Variants in SEMA6A observed in about 807,000 individuals in gnomAD.
The protein encoded by SEMA6A is semaphorin-6A.
In SEMA6A, 25 loss-of-function variants were observed where a neutral mutation model predicts 96.8. The ratio of observed to expected loss-of-function variants is 0.26; its 90% CI spans 0.19 to 0.36. SEMA6A has a LOEUF of 0.36. Among genes scored for constraint, SEMA6A ranks in the 10% least tolerant of loss-of-function variants. SEMA6A has a pLI of 1.00. For synonymous variants in SEMA6A, 612 were observed against 518.0 expected, an observed-to-expected ratio of 1.18 and a Z score of -2.46; for missense variants, 1,363 against 1,323.1, an observed-to-expected ratio of 1.03 and a Z score of -0.47.
At chr5:116,487,219 C>T (rs996576854) in intron 9 of SEMA6A, 1 of 421,124 alleles carries the variant, frequency 2.4e-6, no homozygotes, top group African/African-American at 2.0e-5. Flanking sequence ...AGCTCCGAGC[C>T]ACATAAAGTC....
chr5:116,484,066 GAAAAA>G (rs542325007), intron 10 of SEMA6A, among the ~76,000 whole-genome samples: 4 of 99,912 alleles, frequency 4.0e-5, no homozygotes, highest in South Asian at 6.6e-4. Context: ...TCTGTCTGAA[GAAAAA>G]AAAAAAAAAA....
chr5:116,564,851 T>C (rs555816882), intron 1 of SEMA6A, among the ~76,000 whole-genome samples: 2 of 152,370 alleles, frequency 1.3e-5, no homozygotes, highest in South Asian at 4.1e-4. Flanking sequence ...CTCTAGCTCC[T>C]TAGCAATGAG....
intron 1 of SEMA6A, among the ~76,000 whole-genome samples, chr5:116,517,024 C>T (rs1299165480): frequency 1.3e-5 from 2 of 151,990 alleles, no homozygotes; most frequent in Admixed American, 1.3e-4. Context: ...TGGATGAGGC[C>T]AAGTTCATTT....
At chr5:116,517,328 G>T (rs917895595) in intron 1 of SEMA6A, among the ~76,000 whole-genome samples, 1 of 151,508 alleles carries the variant, frequency 6.6e-6, no homozygotes, top group Admixed American at 6.6e-5. Flanking sequence ...ACATGCCTTC[G>T]TTCCTAAAGA....
chr5:116,540,343 T>G (rs967538992), intron 1 of SEMA6A, among the ~76,000 whole-genome samples: 2 of 152,232 alleles, frequency 1.3e-5, no homozygotes, highest in Non-Finnish European at 2.9e-5. Flanking sequence ...TACAAACTTA[T>G]GCTTGCACAG....
intron 1 of SEMA6A, among the ~76,000 whole-genome samples, chr5:116,507,223 C>T (rs1255316517): frequency 5.3e-5 from 8 of 152,164 alleles, no homozygotes; most frequent in Non-Finnish European, 2.9e-5. Context: ...GTACATCATA[C>T]GGGTGAAAGT....
At chr5:116,502,438 C>G in intron 2 of SEMA6A, 111 bp from the exon 3 acceptor site, 3 of 784,918 alleles carry the variant, frequency 3.8e-6, no homozygotes, top group Non-Finnish European at 6.5e-6. Context: ...TTAAGTCAGA[C>G]CATGCCACCA....
chr5:116,474,214 T>C (rs147793400), intron 16 of SEMA6A, among the ~76,000 whole-genome samples: 1 of 152,082 alleles, frequency 6.6e-6, no homozygotes, highest in African/African-American at 2.4e-5. Context: ...GCAAGTAATA[T>C]AAATATGATG....
chr5:116,495,533 T>C lies in SEMA6A; in HGVS notation c.343-19A>G. 6.6e-7 allele frequency: 1 copy of C among 1,521,918 alleles called. No homozygotes were observed. Among genetic ancestry groups the C allele is most frequent in the South Asian group, 1.2e-5 (1 of 84,452 alleles). 94.3% of individuals were successfully genotyped at this position (1,521,918 alleles called of 1,614,324 possible). ...ACTCATCCTGAAAAATAATTCAAAC[T>C]GTTTTGTATCATGTCCATTCAGTAC... On this transcript the variant is annotated intron_variant, in intron 5 of 18. Coordinates refer to ENST00000343348, the MANE Select transcript of SEMA6A (RefSeq NM_020796.5).
chr5:116,511,927 G>A (rs565791962), intron 1 of SEMA6A, among the ~76,000 whole-genome samples: 1 of 152,214 alleles, frequency 6.6e-6, no homozygotes, highest in Admixed American at 6.5e-5. Context: ...ATAAACAGAT[G>A]TGGACATATC....
chr5:116,519,557 G>A (rs930667221), intron 1 of SEMA6A, among the ~76,000 whole-genome samples: 8 of 152,062 alleles, frequency 5.3e-5, no homozygotes, highest in Admixed American at 5.2e-4. Context: ...GGCACTGTGC[G>A]GGAACAGTGC....
At chr5:116,467,026 TTAAA>T (rs1755799927) in intron 18 of SEMA6A, among the ~76,000 whole-genome samples, 2 of 152,174 alleles carry the variant, frequency 1.3e-5, no homozygotes, top group Non-Finnish European at 2.9e-5. Flanking sequence ...TTCTGCTTGA[TTAAA>T]TAACATATTT....
At chr5:116,568,451 A>G (rs1461440665) in intron 1 of SEMA6A, among the ~76,000 whole-genome samples, 1 of 152,214 alleles carries the variant, frequency 6.6e-6, no homozygotes, top group Non-Finnish European at 1.5e-5. Context: ...ATGGGTTAAT[A>G]AAGTATGCTG....
At chr5:116,511,475 C>T (rs1055622809) in intron 1 of SEMA6A, among the ~76,000 whole-genome samples, 1 of 152,112 alleles carries the variant, frequency 6.6e-6, no homozygotes, top group Non-Finnish European at 1.5e-5. Context: ...AAGTTTATGT[C>T]CTTCCCAAGG....
At chr5:116,561,823 G>A (rs889838709) in intron 1 of SEMA6A, among the ~76,000 whole-genome samples, 3 of 152,078 alleles carry the variant, frequency 2.0e-5, no homozygotes, top group Admixed American at 6.5e-5. Context: ...CATCACCCTC[G>A]GAGATATCCC....
chr5:116,479,173 T>A (rs1267520885), intron 12 of SEMA6A, among the ~76,000 whole-genome samples: 1 of 152,176 alleles, frequency 6.6e-6, no homozygotes, highest in East Asian at 1.9e-4. Context: ...ACAAAATGTT[T>A]GATTGGAAAG....
intron 16 of SEMA6A, among the ~76,000 whole-genome samples, chr5:116,474,430 T>G (rs1472972472): frequency 6.6e-6 from 1 of 152,196 alleles, no homozygotes; most frequent in Non-Finnish European, 1.5e-5. Flanking sequence ...CATACATCTT[T>G]TAGTGATGAC....
chr5:116,497,270 G>A, intron 4 of SEMA6A, 57 bp downstream of exon 4: 3 of 1,058,990 alleles, frequency 2.8e-6, no homozygotes, highest in Non-Finnish European at 2.9e-6. Context: ...TACATATTCT[G>A]TTCAAGAACT....
chr5:116,524,604 TAA>T (rs557950296), intron 1 of SEMA6A, among the ~76,000 whole-genome samples: 1 of 146,716 alleles, frequency 6.8e-6, no homozygotes, highest in Non-Finnish European at 1.5e-5. Context: ...GTCAGACCTT[TAA>T]AAAAAAAAAA....
Sources: allele counts gnomAD v4.1 joint callset (sites outside exome capture counted in the v4.1 genomes callset), GRCh38; gene constraint gnomAD v4.1.1; transcripts MANE v1.5; gene names NCBI Gene and HGNC (gene_info 2026-07-23, HGNC 2026-07-21).